The following RBMS3 variants were observed in gnomAD, a reference collection of about 807,000 sequenced individuals.
RBMS3 encodes the protein RNA-binding motif, single-stranded-interacting protein 3.
Under a neutral mutation model 66.8 loss-of-function variants are expected in RBMS3, and 27 were observed. The ratio of observed to expected loss-of-function variants is 0.40; its 90% CI spans 0.30 to 0.56. The LOEUF (loss-of-function observed/expected upper bound fraction) is 0.56. Among genes scored for constraint, RBMS3 ranks in the 20% least tolerant of loss-of-function variants. The pLI, the probability that RBMS3 is intolerant of heterozygous loss-of-function variation, is 0.40. For synonymous variants in RBMS3, 188 were observed against 183.0 expected (o/e 1.03, Z -0.22); for missense variants, 513 against 549.5 (o/e 0.93, Z 0.66).
chr3:29,667,768 T>C (rs937155358), intron 4 of RBMS3, among the ~76,000 whole-genome samples: 3 of 152,192 alleles, frequency 2.0e-5, no homozygotes, highest in Admixed American at 2.0e-4. Flanking sequence ...TAGAAATCTC[T>C]AAGCCCATAT....
At chr3:29,717,639 G>T (rs1173019248) in intron 4 of RBMS3, among the ~76,000 whole-genome samples, 1 of 152,044 alleles carries the variant, frequency 6.6e-6, no homozygotes, top group East Asian at 1.9e-4. Context: ...ATTATTCAGT[G>T]TGTACAGTAA....
chr3:29,631,390 A>G (rs2049276042), intron 4 of RBMS3, among the ~76,000 whole-genome samples: 1 of 151,930 alleles, frequency 6.6e-6, no homozygotes, highest in Non-Finnish European at 1.5e-5. Context: ...TGAGGGTCTC[A>G]GTCAGATAAA....
At chr3:29,685,474 C>CT (rs35483824) in intron 4 of RBMS3, among the ~76,000 whole-genome samples, 1 of 152,048 alleles carries the variant, frequency 6.6e-6, no homozygotes, top group East Asian at 1.9e-4. Flanking sequence ...TCTATTCTAC[C>CT]TTTTTTTGTC....
intron 1 of RBMS3, among the ~76,000 whole-genome samples, chr3:29,283,471 G>A (rs1278720419): frequency 1.3e-5 from 2 of 152,144 alleles, no homozygotes; most frequent in Non-Finnish European, 1.5e-5. Flanking sequence ...GTGTGTGCGA[G>A]AGAGAGAAAG....
intron 1 of RBMS3, among the ~76,000 whole-genome samples, chr3:29,403,148 C>T (rs1422733669): frequency 2.0e-5 from 3 of 151,864 alleles, no homozygotes; most frequent in African/African-American, 7.3e-5. Flanking sequence ...AAAAAACAAA[C>T]ATAAAAAAGT....
intron 12 of RBMS3, among the ~76,000 whole-genome samples, chr3:29,961,016 C>T (rs527280589): frequency 1.3e-5 from 2 of 152,290 alleles, no homozygotes; most frequent in South Asian, 4.1e-4. Context: ...TTTTCTGCAG[C>T]CAGCTTGAAT....
intron 12 of RBMS3, among the ~76,000 whole-genome samples, chr3:29,969,442 A>G (rs1163359877): frequency 1.3e-5 from 2 of 152,182 alleles, no homozygotes; most frequent in South Asian, 2.1e-4. Context: ...ATATCACTAC[A>G]TGTTTTTTTC....
intron 2 of RBMS3, among the ~76,000 whole-genome samples, chr3:29,466,747 C>T (rs1269124362): frequency 6.6e-6 from 1 of 152,108 alleles, no homozygotes; most frequent in Admixed American, 6.6e-5. Flanking sequence ...AACACAATAA[C>T]AAATTAAGCA....
intron 6 of RBMS3, among the ~76,000 whole-genome samples, chr3:29,850,967 T>C (rs1576992064): frequency 6.6e-6 from 1 of 152,188 alleles, no homozygotes; most frequent in Non-Finnish European, 1.5e-5. Flanking sequence ...CCTCAAGACA[T>C]TTTGTACTTC....
chr3:29,461,793 A>AG (rs2042376601), intron 2 of RBMS3, among the ~76,000 whole-genome samples: 1 of 151,180 alleles, frequency 6.6e-6, no homozygotes, highest in African/African-American at 2.4e-5. Flanking sequence ...TCACTCTGTC[A>AG]CCTAGGCTGG....
intron 7 of RBMS3, chr3:29,880,737 A>G (rs1379171725): frequency 1.1e-5 from 17 of 1,517,886 alleles, no homozygotes; most frequent in East Asian, 4.9e-5. Flanking sequence ...TTCCAAATGC[A>G]TATGACCTGA....
At chr3:29,311,260 T>C (rs2034357097) in intron 1 of RBMS3, among the ~76,000 whole-genome samples, 1 of 151,730 alleles carries the variant, frequency 6.6e-6, no homozygotes, top group Admixed American at 6.6e-5. Context: ...AGAATATCAT[T>C]CTCCAGTTCT....
At chr3:29,588,668 T>C (rs1184003537) in intron 4 of RBMS3, among the ~76,000 whole-genome samples, 1 of 152,084 alleles carries the variant, frequency 6.6e-6, no homozygotes, top group Non-Finnish European at 1.5e-5. Context: ...TAATGTATTC[T>C]TCATCAAGAT....
chr3:29,496,944 C>A (rs1349784688), intron 3 of RBMS3, among the ~76,000 whole-genome samples: 1 of 152,096 alleles, frequency 6.6e-6, no homozygotes, highest in Non-Finnish European at 1.5e-5. Context: ...TGTTCAATAG[C>A]CTTTAGTATT....
chr3:29,513,617 C>T (rs1203501670), intron 3 of RBMS3, among the ~76,000 whole-genome samples: 1 of 152,090 alleles, frequency 6.6e-6, no homozygotes, highest in Non-Finnish European at 1.5e-5. Context: ...ATTACCCTGC[C>T]AGGATTCTTC....
chr3:29,712,101 C>A (rs2053194982), intron 4 of RBMS3, among the ~76,000 whole-genome samples: 1 of 152,058 alleles, frequency 6.6e-6, no homozygotes, highest in East Asian at 1.9e-4. Context: ...TAAGTTTGTT[C>A]TTTTGCCTCA....
At chr3:29,514,672 T>C (rs1009674333) in intron 3 of RBMS3, among the ~76,000 whole-genome samples, 16 of 144,886 alleles carry the variant, frequency 1.1e-4, no homozygotes, top group Non-Finnish European at 2.2e-4. Context: ...TATATATATA[T>C]ATATATATGA....
intron 2 of RBMS3, among the ~76,000 whole-genome samples, chr3:29,479,866 T>C (rs1021717997): frequency 2.0e-5 from 3 of 152,230 alleles, no homozygotes; most frequent in Admixed American, 2.0e-4. Context: ...ATTATATTTG[T>C]TTATGGTAAT....
chr3:29,341,068 C>CT (rs1266184970), intron 1 of RBMS3, among the ~76,000 whole-genome samples: 1 of 151,956 alleles, frequency 6.6e-6, no homozygotes, highest in Non-Finnish European at 1.5e-5. Context: ...AGCAATAATC[C>CT]TTTTTCTTGT....
Sources: gnomAD v4.1 joint callset for allele counts (sites outside exome capture counted in the v4.1 genomes callset) on GRCh38, gnomAD v4.1.1 for gene constraint, MANE v1.5 for transcripts, NCBI Gene and HGNC (gene_info 2026-07-23, HGNC 2026-07-21) for gene names.